The following RECK variants were observed in gnomAD, a reference collection of about 807,000 sequenced individuals.
The protein encoded by RECK is reversion inducing cysteine rich protein with kazal motifs, also known as reversion-inducing cysteine-rich protein with Kazal motifs.
Under a neutral mutation model 115.1 loss-of-function variants are expected in RECK, and 69 were observed. The ratio of observed to expected loss-of-function variants is 0.60; its 90% CI spans 0.49 to 0.73. RECK has a LOEUF of 0.73. RECK is among the 30% of genes least tolerant of loss of function. The probability of loss-of-function intolerance (pLI) is 0.00; values close to 1 mark genes in which losing one functional copy is unlikely to be tolerated. For synonymous variants in RECK, 414 were observed against 419.7 expected, an observed-to-expected ratio of 0.99 and a Z score of 0.17; for missense variants, 1,047 against 1,203.7, an observed-to-expected ratio of 0.87 and a Z score of 1.93.
chr9:36,049,184 C>T (rs935351168), intron 1 of RECK, among the ~76,000 whole-genome samples: 1 of 152,162 alleles, frequency 6.6e-6, no homozygotes, highest in African/African-American at 2.4e-5. Context: ...TCAATGTGTT[C>T]AACCAGGAAA....
Position 36,107,870 on chromosome 9 carries a change from A to C in RECK, c.1577-106A>C, listed in dbSNP as rs1478366862. The C allele has an allele frequency of 5.3e-6, 4 of 753,674 alleles. No individual in the cohort carries two copies. The Admixed American group carries it at 1.1e-4, about 21-fold the overall frequency. The allele number at this position is 753,674 out of a possible 1,614,324, so 46.7% of individuals were successfully genotyped here. A position where few individuals can be genotyped will look rare whatever the true frequency, so the allele number is the denominator to read the frequency against. On this transcript the variant is annotated intron_variant, in intron 13 of 20. Coordinates refer to ENST00000377966, the MANE Select transcript of RECK (RefSeq NM_021111.3). Reference sequence around the variant, plus strand: ...GTGAAAGTTCTATTACATAATCTTTAATAGTGATTTAGTACCTATAAGACT... The same window carrying C: ...GTGAAAGTTCTATTACATAATCTTTCATAGTGATTTAGTACCTATAAGACT...
intron 17 of RECK, 52 bp from the exon 18 acceptor site, chr9:36,118,705 G>T: frequency 6.4e-7 from 1 of 1,554,916 alleles, no homozygotes; most frequent in South Asian, 1.1e-5. Flanking sequence ...TCTTGGTTGG[G>T]AAAGGTACAA....
In RECK at chr9:36,078,297, T is replaced by C. The variant is rs543169839; in HGVS notation, c.406-2308T>C. 3.3e-5 allele frequency among the ~76,000 whole-genome samples: 5 copies of C among 152,390 alleles called. No homozygotes were observed. The East Asian group carries it at 9.6e-4, about 29-fold the overall frequency. On this transcript the variant is annotated intron_variant, in intron 6 of 20. Coordinates refer to ENST00000377966, the MANE Select transcript of RECK (RefSeq NM_021111.3). ...TTTCTCACATTTCGCAGGTTTTATC[T>C]CCTTTAGTAGTACCTCTCCCTGAAG...
intron 2 of RECK, among the ~76,000 whole-genome samples, chr9:36,057,895 T>A (rs558511535): frequency 6.6e-6 from 1 of 151,688 alleles, no homozygotes; most frequent in Non-Finnish European, 1.5e-5. Flanking sequence ...AAAAAACACA[T>A]GAAAAAATGC....
chr9:36,104,099 A>C (rs544854959), intron 12 of RECK, among the ~76,000 whole-genome samples: 4 of 151,672 alleles, frequency 2.6e-5, no homozygotes, highest in Non-Finnish European at 4.4e-5. Flanking sequence ...GAGTCCATAC[A>C]TATTACCATA....
chr9:36,043,532 C>T (rs1820965335), intron 1 of RECK, among the ~76,000 whole-genome samples: 1 of 151,774 alleles, frequency 6.6e-6, no homozygotes, highest in South Asian at 2.1e-4. Context: ...AATTAAGTCC[C>T]ATGTATTTAT....
At chr9:36,086,610 C>T (rs1588312778) in intron 8 of RECK, among the ~76,000 whole-genome samples, 1 of 152,128 alleles carries the variant, frequency 6.6e-6, no homozygotes, top group Non-Finnish European at 1.5e-5. Context: ...AGCTTTTATT[C>T]CCTTATTTGG....
rs534424581 is a variant in RECK, at chr9:36,123,174, T to C, written c.*129T>C. The C allele has an allele frequency of 3.1e-6, 2 of 654,550 alleles. No individual in the cohort carries two copies. The highest frequency in any genetic ancestry group is 4.7e-5 in the South Asian group (2 of 42,260). The allele number at this position is 654,550 out of a possible 1,614,324, so 40.5% of individuals were successfully genotyped here. ...CATGTCACCTCTATTCGCCACACAG[T>C]ATTTTTTTTTTTAATCCGCCAATAT... On this transcript the variant is annotated 3_prime_UTR_variant, in exon 21 of 21. Transcript: ENST00000377966.
intron 16 of RECK, among the ~76,000 whole-genome samples, chr9:36,114,907 A>G (rs1824200571): frequency 6.6e-6 from 1 of 152,144 alleles, no homozygotes; most frequent in Non-Finnish European, 1.5e-5. Context: ...TGGTGCCTCT[A>G]GGGAAGGGAA....
chr9:36,111,917 C>A, intron 15 of RECK, among the ~76,000 whole-genome samples: 1 of 150,830 alleles, frequency 6.6e-6, no homozygotes, highest in East Asian at 1.9e-4. Flanking sequence ...TGCAGATGAG[C>A]TATTCAGAGC....
chr9:36,069,409 G>A (rs927253361), intron 6 of RECK, among the ~76,000 whole-genome samples: 2 of 147,596 alleles, frequency 1.4e-5, no homozygotes, highest in African/African-American at 5.0e-5. Flanking sequence ...GTGTGGTGGT[G>A]CACACCTGTA....
chr9:36,061,119 AATTT>A (rs1002170074), intron 4 of RECK, among the ~76,000 whole-genome samples: 91 of 152,176 alleles, frequency 6.0e-4, no homozygotes, highest in African/African-American at 2.0e-3. Context: ...CTTCAAAAAT[AATTT>A]ATCAGGGGAT....
intron 9 of RECK, among the ~76,000 whole-genome samples, chr9:36,088,690 T>C (rs1823053212): frequency 6.6e-6 from 1 of 152,212 alleles, no homozygotes; most frequent in Non-Finnish European, 1.5e-5. Flanking sequence ...TCATCAGACT[T>C]TGGTAATTGT....
chr9:36,115,892 T>C (rs917260034), intron 16 of RECK, among the ~76,000 whole-genome samples: 3 of 152,198 alleles, frequency 2.0e-5, no homozygotes, highest in Non-Finnish European at 4.4e-5. Context: ...TAGAAAGTTA[T>C]GTAAACCCTT....
rs780719277 is a variant in RECK, at chr9:36,110,095, C to T, written c.1888+16C>T. 2 of 1,591,146 alleles carry T rather than the reference C, an allele frequency of 1.3e-6. No homozygotes were observed. The highest frequency in any genetic ancestry group is 1.3e-5 in the African/African-American group (1 of 74,606). On this transcript the variant is annotated intron_variant, in intron 15 of 20. Transcript: ENST00000377966. ...ACCTTCACAGGTGACTGTGATCGCC[C>T]AGAGTCTGTCCTCAGGGGCCATCAT...
chr9:36,098,103 CA>C, intron 10 of RECK, among the ~76,000 whole-genome samples: 2 of 152,044 alleles, frequency 1.3e-5, no homozygotes, highest in East Asian at 3.9e-4. Context: ...TCAAAGGACA[CA>C]AAATTTTATT....
chr9:36,048,854 C>T (rs1371108863), intron 1 of RECK, among the ~76,000 whole-genome samples: 2 of 152,120 alleles, frequency 1.3e-5, no homozygotes, highest in African/African-American at 4.8e-5. Context: ...CAGCATCTAC[C>T]CCGCAAGTTA....
chr9:36,074,133 T>C (rs892601181), intron 6 of RECK, among the ~76,000 whole-genome samples: 1 of 152,200 alleles, frequency 6.6e-6, no homozygotes, highest in East Asian at 1.9e-4. Context: ...TTAAAGCCTT[T>C]CCTGCCCATT....
In RECK at chr9:36,118,897, C is replaced by G. The variant is rs200760523; in HGVS notation, c.2394C>G (p.Ser798=). Reference sequence around the variant, plus strand: ...TCGGAGTCCTCTCAGAGCACAGCTCCGTCGCCGAGTGTGCTTCTGTCAAGT... The same window carrying G: ...TCGGAGTCCTCTCAGAGCACAGCTCGGTCGCCGAGTGTGCTTCTGTCAAGT... ...QAVGVLSEHS[S]VAECASVKCP... is the part of the protein sequence containing the mutation. Residue 798 remains serine, a synonymous_variant, in exon 18 of 21, where the codon TCC becomes TCG. Transcript: ENST00000377966. 6.2e-7 allele frequency: 1 copy of G among 1,613,826 alleles called. No individual in the cohort carries two copies. Among genetic ancestry groups the G allele is most frequent in the Admixed American group, 1.7e-5 (1 of 60,012 alleles).
Sources: gnomAD v4.1 joint callset for allele counts (sites outside exome capture counted in the v4.1 genomes callset) on GRCh38, gnomAD v4.1.1 for gene constraint, MANE v1.5 for transcripts, NCBI Gene and HGNC (gene_info 2026-07-23, HGNC 2026-07-21) for gene names.